Variants in STYK1 observed in about 807,000 individuals in gnomAD.
The protein encoded by STYK1 is tyrosine-protein kinase STYK1.
Under a neutral mutation model 48.1 loss-of-function variants are expected in STYK1, and 46 were observed. The ratio of observed to expected loss-of-function variants is 0.96; its 90% CI spans 0.75 to 1.22. The LOEUF (loss-of-function observed/expected upper bound fraction) is 1.22, where lower values mean the gene tolerates loss of function less well. Among genes scored for constraint, STYK1 ranks in the 50% most tolerant of loss-of-function variants. The probability of loss-of-function intolerance (pLI) is 0.00; values close to 1 mark genes in which losing one functional copy is unlikely to be tolerated. For synonymous variants in STYK1, 188 were observed against 189.0 expected (o/e 0.99, Z 0.04); for missense variants, 527 against 521.1 (o/e 1.01, Z -0.11).
At chr12:10,669,159 A>G (rs1156509185) in intron 1 of STYK1, among the ~76,000 whole-genome samples, 1 of 152,250 alleles carries the variant, frequency 6.6e-6, no homozygotes, top group African/African-American at 2.4e-5. Flanking sequence ...TAATTCATCT[A>G]TGAAAATAGC....
chr12:10,621,983 G>A lies in STYK1; in HGVS notation c.968-11C>T, dbSNP rs373464078. On this transcript the variant is annotated splice_polypyrimidine_tract_variant and intron_variant, in intron 9 of 10. Coordinates refer to ENST00000075503, the MANE Select transcript of STYK1 (RefSeq NM_018423.3). ...GATACGGTGGTGCTCCTGTCATTAC[G>A]AAAATAATGAGAACTTTAAGGTCCT... The A allele has an allele frequency of 1.6e-5, 26 of 1,607,374 alleles. No homozygotes were observed. The highest frequency in any genetic ancestry group is 1.1e-4 in the South Asian group (10 of 90,808).
chr12:10,631,028 A>G lies in STYK1; in HGVS notation c.451+17T>C. The G allele has an allele frequency of 6.2e-7, 1 of 1,610,082 alleles. No homozygotes were observed. The highest frequency in any genetic ancestry group is 2.2e-5 in the East Asian group (1 of 44,806). ...TTACTGTTAGGGGAAGGGGGAGTCA[A>G]ACACTTCTTGTTTTACCTTTTAAAG... On this transcript the variant is annotated intron_variant, in intron 5 of 10. Coordinates refer to ENST00000075503, the MANE Select transcript of STYK1 (RefSeq NM_018423.3).
At chr12:10,633,927 C>T (rs553353083) in intron 4 of STYK1, 63 bp downstream of exon 4, 1 of 1,581,470 alleles carries the variant, frequency 6.3e-7, no homozygotes, top group Non-Finnish European at 8.6e-7. Context: ...AAACTTAGAC[C>T]ATACTTTTTC....
intron 1 of STYK1, among the ~76,000 whole-genome samples, chr12:10,670,995 A>AT (rs763044772): frequency 0.02 from 2,201 of 110,376 alleles, 125 homozygotes; most frequent in African/African-American, 0.054. Flanking sequence ...GAATATATTG[A>AT]TTTTTTTTTT....
chr12:10,634,248 C>T, intron 3 of STYK1, 124 bp from the exon 4 acceptor site: 1 of 1,132,100 alleles, frequency 8.8e-7, no homozygotes, highest in Non-Finnish European at 1.3e-6. Flanking sequence ...TCTACCATCT[C>T]CTCTACTTCC....
intron 2 of STYK1, among the ~76,000 whole-genome samples, chr12:10,635,150 C>T (rs1459942445): frequency 6.6e-6 from 1 of 152,128 alleles, no homozygotes; most frequent in Non-Finnish European, 1.5e-5. Flanking sequence ...TGGGATCTTG[C>T]TCTGTAGCCA....
chr12:10,639,002 C>T (rs1421168614), intron 1 of STYK1, among the ~76,000 whole-genome samples: 1 of 152,132 alleles, frequency 6.6e-6, no homozygotes, highest in Non-Finnish European at 1.5e-5. Flanking sequence ...TGGCTTTGGG[C>T]TATGGGGCAG....
chr12:10,638,112 G>A (rs1947505862), intron 1 of STYK1, among the ~76,000 whole-genome samples: 1 of 152,156 alleles, frequency 6.6e-6, no homozygotes, highest in Admixed American at 6.5e-5. Context: ...TGAAATCCAT[G>A]GCATTGGAAT....
chr12:10,669,041 GAATAA>G (rs564544253), intron 1 of STYK1, among the ~76,000 whole-genome samples: 163 of 152,276 alleles, frequency 1.1e-3, no homozygotes, highest in African/African-American at 3.8e-3. Flanking sequence ...ACCTTCATGG[GAATAA>G]AAGTTTAGGG....
chr12:10,639,434 A>G (rs1003613345), intron 1 of STYK1, among the ~76,000 whole-genome samples: 1 of 150,116 alleles, frequency 6.7e-6, no homozygotes, highest in Non-Finnish European at 1.5e-5. Context: ...TTTTTTTCTG[A>G]TGGAGTCTCG....
chr12:10,650,119 CAAAAAAAAAAAA>C (rs71051518), intron 1 of STYK1, among the ~76,000 whole-genome samples: 19 of 51,308 alleles, frequency 3.7e-4, no homozygotes, highest in African/African-American at 3.8e-4. Flanking sequence ...GACTCTGTCT[CAAAAAAAAAAAA>C]AAAAAAAAAA....
At chr12:10,634,996 A>T (rs111784362) in intron 2 of STYK1, among the ~76,000 whole-genome samples, 1 of 152,274 alleles carries the variant, frequency 6.6e-6, no homozygotes, top group Non-Finnish European at 1.5e-5. Flanking sequence ...TGCTCCCATG[A>T]TCAAGTACAG....
intron 1 of STYK1, among the ~76,000 whole-genome samples, chr12:10,654,669 G>T (rs2120758102): frequency 6.6e-6 from 1 of 152,294 alleles, no homozygotes; most frequent in East Asian, 1.9e-4. Flanking sequence ...AGGCAAGGAT[G>T]CTTAATGAAA....
intron 8 of STYK1, among the ~76,000 whole-genome samples, chr12:10,624,201 A>C (rs1007211854): frequency 6.6e-6 from 1 of 151,606 alleles, no homozygotes; most frequent in African/African-American, 2.4e-5. Context: ...TGAGAGGATC[A>C]CTTGAGCCCA....
At chr12:10,668,819 C>G (rs1591708294) in intron 1 of STYK1, among the ~76,000 whole-genome samples, 5 of 152,056 alleles carry the variant, frequency 3.3e-5, no homozygotes, top group Admixed American at 3.3e-4. Flanking sequence ...ACCAGTTTGC[C>G]TATTATTATC....
chr12:10,657,743 C>T (rs545173505), intron 1 of STYK1, among the ~76,000 whole-genome samples: 1 of 152,344 alleles, frequency 6.6e-6, no homozygotes, highest in Admixed American at 6.5e-5. Context: ...TCTTGTACTT[C>T]TCTCTGGTGT....
intron 1 of STYK1, among the ~76,000 whole-genome samples, chr12:10,657,901 A>AT (rs1947735790): frequency 6.6e-6 from 1 of 152,254 alleles, no homozygotes; most frequent in African/African-American, 2.4e-5. Flanking sequence ...AAGGAAAGTG[A>AT]AATGTGTTTT....
At chr12:10,667,987 G>GA in intron 1 of STYK1, among the ~76,000 whole-genome samples, 1 of 152,128 alleles carries the variant, frequency 6.6e-6, no homozygotes, top group Non-Finnish European at 1.5e-5. Flanking sequence ...CCAACGGATG[G>GA]ATAGAAACCC....
At position 10,629,482 on chromosome 12, in the gene STYK1, C is replaced by T. The variant is rs1465805909; in HGVS notation, c.633+11G>A. On this transcript the variant is annotated intron_variant, in intron 6 of 10. Transcript: ENST00000075503. The stretch of plus-strand genomic sequence containing the variant: ...GCCTTAACCTCCTAATACCTCTGCC[C>T]TACTGCTCACCCGCCGACAGGTCCA... 4 of 1,613,572 alleles carry T rather than the reference C, an allele frequency of 2.5e-6. No individual in the cohort carries two copies. The highest frequency in any genetic ancestry group is 3.4e-6 in the Non-Finnish European group (4 of 1,179,942).
Sources: allele counts gnomAD v4.1 joint callset (sites outside exome capture counted in the v4.1 genomes callset), GRCh38; gene constraint gnomAD v4.1.1; transcripts MANE v1.5; gene names NCBI Gene and HGNC (gene_info 2026-07-23, HGNC 2026-07-21).